Variants in DMGDH observed in about 807,000 individuals in gnomAD.
DMGDH encodes dimethylglycine dehydrogenase.
DMGDH carries 76 observed loss-of-function variants against 95.2 expected under a neutral mutation model. The ratio of observed to expected loss-of-function variants is 0.80; its 90% CI spans 0.66 to 0.97. The LOEUF is 0.97. DMGDH is among the 50% of genes least tolerant of loss of function. The pLI is 0.00. For missense variants in DMGDH, 987 were observed against 1,055.0 expected (o/e 0.94, Z 0.89); for synonymous variants, 345 against 377.6 (o/e 0.91, Z 1.00).
At chr5:79,015,795 C>T (rs1011819004) in intron 14 of DMGDH, among the ~76,000 whole-genome samples, 1 of 151,940 alleles carries the variant, frequency 6.6e-6, no homozygotes, top group African/African-American at 2.4e-5. Context: ...GGTGACATAT[C>T]ATCACCAAGT....
Position 79,021,292 on chromosome 5 carries a change from T to C in DMGDH, c.2250+2979A>G, listed in dbSNP as rs1475753675. On this transcript the variant is annotated intron_variant, in intron 14 of 15. Coordinates refer to ENST00000255189, the MANE Select transcript of DMGDH (RefSeq NM_013391.3). Reference sequence around the variant, plus strand: ...AACGTATCCCTACAGCTTTAGTTCCTGAAATATTATTTGTTTCCAGGTTCA... The same window carrying C: ...AACGTATCCCTACAGCTTTAGTTCCCGAAATATTATTTGTTTCCAGGTTCA... 3.7e-6 allele frequency: 4 copies of C among 1,082,988 alleles called. No homozygotes were observed. In the East Asian group the frequency reaches 2.8e-4, roughly 75 times the overall value. The allele number at this position is 1,082,988 out of a possible 1,614,324, so 67.1% of individuals were successfully genotyped here. A position where few individuals can be genotyped will look rare whatever the true frequency, so the allele number is the denominator to read the frequency against.
intron 13 of DMGDH, among the ~76,000 whole-genome samples, chr5:79,025,524 G>T (rs1753975624): frequency 6.6e-6 from 1 of 152,142 alleles, no homozygotes; most frequent in African/African-American, 2.4e-5. Context: ...TATGTGCTTG[G>T]CACTTCCTAG....
At position 79,042,609 on chromosome 5, in the gene DMGDH, A is replaced by G. The variant is rs969323451; in HGVS notation, c.995-128T>C. On this transcript the variant is annotated intron_variant, in intron 6 of 15. Transcript: ENST00000255189. ...TAGGAAAGTACTGCCATTTTTTGTT[A>G]AAGTCTAAATTTCATATTCCCTATC... 9 of 846,422 alleles carry G rather than the reference A, an allele frequency of 1.1e-5. No individual in the cohort carries two copies. In the African/African-American group the frequency reaches 1.3e-4, roughly 13 times the overall value. 52.4% of individuals were successfully genotyped at this position (846,422 alleles called of 1,614,324 possible). A position where few individuals can be genotyped will look rare whatever the true frequency, so the allele number is the denominator to read the frequency against.
chr5:79,002,227 T>C (rs1753465405), intron 15 of DMGDH, among the ~76,000 whole-genome samples: 1 of 152,188 alleles, frequency 6.6e-6, no homozygotes, highest in Non-Finnish European at 1.5e-5. Flanking sequence ...TGTGTTTTAG[T>C]TTACAAATAA....
chr5:79,025,634 G>C (rs1047032021), intron 13 of DMGDH, among the ~76,000 whole-genome samples: 9 of 152,200 alleles, frequency 5.9e-5, no homozygotes, highest in Non-Finnish European at 1.0e-4. Flanking sequence ...GCTGGTGCGT[G>C]GTGGAGGAAA....
intron 5 of DMGDH, among the ~76,000 whole-genome samples, chr5:79,050,273 A>AATATATATATATATATATAT (rs761250761): frequency 4.8e-5 from 1 of 20,934 alleles, no homozygotes; most frequent in African/African-American, 1.6e-4. Context: ...AAAAAAAAAA[A>AATATATATATATATATATAT]ATATATATAT....
rs746450998 is a variant in DMGDH at position 79,042,378 on chromosome 5, A to G, written c.1098T>C (p.Asn366=). 3 of 1,614,084 alleles carry G rather than the reference A, an allele frequency of 1.9e-6. No homozygotes were observed. The African/African-American group carries it at 4.0e-5, about 22-fold the overall frequency. ...AATACGTGATAGGACCATTGACAAC[A>G]TTGATGATGTCAGCCTTTTTCAAGA... ...VPVLKKADII[N]VVNGPITYSP... is the part of the protein sequence containing the mutation. The change falls in exon 7 of 16, where the codon AAT becomes AAC. Residue 366 remains asparagine, a synonymous_variant. Coordinates refer to ENST00000255189, the MANE Select transcript of DMGDH (RefSeq NM_013391.3).
intron 5 of DMGDH, among the ~76,000 whole-genome samples, chr5:79,050,838 G>T (rs1184377881): frequency 6.6e-6 from 1 of 152,114 alleles, no homozygotes; most frequent in East Asian, 1.9e-4. Context: ...AGAAGGAAAA[G>T]CATTTAAAAA....
At chr5:79,026,700 A>G in intron 12 of DMGDH, 119 bp from the exon 13 acceptor site, 1 of 1,442,702 alleles carries the variant, frequency 6.9e-7, no homozygotes, top group Non-Finnish European at 9.5e-7. Context: ...AGACATTGTC[A>G]GTCTCTAAAA....
chr5:79,061,706 G>A (rs1475467305), intron 2 of DMGDH, among the ~76,000 whole-genome samples: 4 of 152,048 alleles, frequency 2.6e-5, no homozygotes, highest in African/African-American at 9.7e-5. Flanking sequence ...GATCATTTGA[G>A]GCCAGGAGTT....
chr5:79,052,469 A>G (rs1462753720), intron 4 of DMGDH, among the ~76,000 whole-genome samples: 1 of 152,198 alleles, frequency 6.6e-6, no homozygotes, highest in East Asian at 1.9e-4. Flanking sequence ...TACGAATTCA[A>G]TCCTTTCATT....
chr5:79,008,399 G>A (rs1336717239), intron 14 of DMGDH, among the ~76,000 whole-genome samples: 1 of 152,198 alleles, frequency 6.6e-6, no homozygotes, highest in Non-Finnish European at 1.5e-5. Flanking sequence ...TGGATTTGGA[G>A]TCCAAGAGCA....
At chr5:79,021,221 A>G (rs1254130603) in intron 14 of DMGDH, 1 of 1,007,428 alleles carries the variant, frequency 9.9e-7, no homozygotes, top group East Asian at 9.7e-5. Flanking sequence ...ATGCGGCTGG[A>G]GAGCCCTCCA....
intron 14 of DMGDH, among the ~76,000 whole-genome samples, chr5:79,009,003 AT>A (rs879361982): frequency 2.0e-5 from 3 of 152,114 alleles, no homozygotes; most frequent in African/African-American, 7.2e-5. Context: ...TTTTATCCAT[AT>A]TTTTTTAAAT....
intron 7 of DMGDH, among the ~76,000 whole-genome samples, chr5:79,035,422 T>A (rs1754321481): frequency 6.6e-6 from 1 of 152,118 alleles, no homozygotes; most frequent in African/African-American, 2.4e-5. Context: ...AGGAGAAAGA[T>A]CAGCCCCCAC....
At chr5:79,012,725 T>G (rs570167983) in intron 14 of DMGDH, among the ~76,000 whole-genome samples, 1 of 152,156 alleles carries the variant, frequency 6.6e-6, no homozygotes, top group African/African-American at 2.4e-5. Flanking sequence ...CTGCCAAGGC[T>G]TATGGCTTGC....
At chr5:79,047,039 A>G (rs990643209) in intron 5 of DMGDH, among the ~76,000 whole-genome samples, 3 of 152,102 alleles carry the variant, frequency 2.0e-5, no homozygotes, top group Admixed American at 6.6e-5. Context: ...TTACCCATAG[A>G]TATCTATGGG....
chr5:79,027,705 C>T lies in DMGDH; in HGVS notation c.2032+728G>A, dbSNP rs915960382. Among the ~76,000 whole-genome samples the T allele has an allele frequency of 2.6e-5, 4 of 152,198 alleles. No individual in the cohort carries two copies. In the South Asian group the frequency reaches 8.3e-4, roughly 32 times the overall value. Reference sequence around the variant, plus strand: ...TCTGGAAGGAAAGAAGGATTGTTGGCAATGCTCTAGGAGAGGTACCTGATA... The same window carrying T: ...TCTGGAAGGAAAGAAGGATTGTTGGTAATGCTCTAGGAGAGGTACCTGATA... On this transcript the variant is annotated intron_variant, in intron 12 of 15. Transcript: ENST00000255189.
In DMGDH at chr5:79,063,181, C is replaced by T. The variant is rs528300455; in HGVS notation, c.276+432G>A. On this transcript the variant is annotated intron_variant, in intron 2 of 15. Transcript: ENST00000255189. ...AGGTGAGGGGAGTATAGGTAAAGAT[C>T]TTGGGCCCATATCCAGGCTCACCCA... Among the ~76,000 whole-genome samples the T allele has an allele frequency of 5.9e-5, 9 of 152,208 alleles. No individual in the cohort carries two copies. In the South Asian group the frequency reaches 1.9e-3, roughly 32 times the overall value.
Sources: allele counts gnomAD v4.1 joint callset (sites outside exome capture counted in the v4.1 genomes callset), GRCh38; gene constraint gnomAD v4.1.1; transcripts MANE v1.5; gene names NCBI Gene and HGNC (gene_info 2026-07-23, HGNC 2026-07-21).